The following AGBL4 variants were observed in gnomAD, a reference collection of about 807,000 sequenced individuals.
AGBL4 encodes the protein AGBL carboxypeptidase 4.
Under a neutral mutation model 66.4 loss-of-function variants are expected in AGBL4, and 58 were observed. The observed-to-expected ratio is 0.87, with a 90% CI of 0.71 to 1.09. The LOEUF (loss-of-function observed/expected upper bound fraction) is 1.09, where lower values mean the gene tolerates loss of function less well. AGBL4 is among the 50% of genes least tolerant of loss of function. AGBL4 has a pLI of 0.00. For missense variants in AGBL4, 579 were observed against 631.0 expected, an observed-to-expected ratio of 0.92 and a Z score of 0.88; for synonymous variants, 234 against 222.9, an observed-to-expected ratio of 1.05 and a Z score of -0.44.
At chr1:48,654,521 T>C (rs573026249) in intron 7 of AGBL4, among the ~76,000 whole-genome samples, 14 of 152,304 alleles carry the variant, frequency 9.2e-5, no homozygotes, top group Admixed American at 2.0e-4. Context: ...CAGAAAGTGA[T>C]AGGAGAATGC....
intron 4 of AGBL4, among the ~76,000 whole-genome samples, chr1:49,129,369 T>C (rs1233544851): frequency 6.6e-6 from 1 of 152,008 alleles, no homozygotes; most frequent in Non-Finnish European, 1.5e-5. Context: ...ATGTGCAGGT[T>C]AGTTACATAT....
At chr1:49,325,082 G>T (rs983785082) in intron 3 of AGBL4, among the ~76,000 whole-genome samples, 10 of 152,118 alleles carry the variant, frequency 6.6e-5, no homozygotes, top group African/African-American at 2.2e-4. Flanking sequence ...GAGTGCAGTG[G>T]CACAATCTTG....
At chr1:49,742,318 A>G (rs1280203284) in intron 2 of AGBL4, among the ~76,000 whole-genome samples, 2 of 152,044 alleles carry the variant, frequency 1.3e-5, no homozygotes, top group African/African-American at 4.8e-5. Flanking sequence ...CAAAGAGAAT[A>G]AAATACCTAG....
At chr1:49,170,880 A>G (rs1031636824) in intron 4 of AGBL4, among the ~76,000 whole-genome samples, 1 of 152,148 alleles carries the variant, frequency 6.6e-6, no homozygotes, top group African/African-American at 2.4e-5. Context: ...AATTTGGTCT[A>G]GACTCAGCTG....
chr1:49,320,681 G>A (rs1645116974), intron 3 of AGBL4, among the ~76,000 whole-genome samples: 1 of 152,158 alleles, frequency 6.6e-6, no homozygotes, highest in Non-Finnish European at 1.5e-5. Context: ...ACCCCAAACA[G>A]GAGGTGAGTG....
intron 1 of AGBL4, among the ~76,000 whole-genome samples, chr1:49,915,772 C>A (rs551005503): frequency 7.9e-5 from 12 of 152,130 alleles, no homozygotes; most frequent in Admixed American, 6.5e-5. Context: ...GATCTGAGAA[C>A]GGACAGGCTG....
intron 5 of AGBL4, among the ~76,000 whole-genome samples, chr1:49,011,785 A>G (rs753366941): frequency 6.6e-6 from 1 of 151,486 alleles, no homozygotes; most frequent in Non-Finnish European, 1.5e-5. Context: ...GCAAGAACCA[A>G]AAACCAAACA....
At chr1:49,121,589 G>T (rs1164446463) in intron 4 of AGBL4, among the ~76,000 whole-genome samples, 1 of 152,160 alleles carries the variant, frequency 6.6e-6, no homozygotes, top group Non-Finnish European at 1.5e-5. Context: ...CTTTGTCTCA[G>T]AGAGGCAGCA....
At chr1:49,487,791 G>C (rs1557986766) in intron 3 of AGBL4, among the ~76,000 whole-genome samples, 1 of 151,986 alleles carries the variant, frequency 6.6e-6, no homozygotes, top group East Asian at 1.9e-4. Context: ...AAAAGTAACT[G>C]TTTCAGTGGC....
intron 6 of AGBL4, among the ~76,000 whole-genome samples, chr1:48,774,668 A>G (rs1051116272): frequency 3.9e-5 from 6 of 152,230 alleles, no homozygotes; most frequent in Non-Finnish European, 8.8e-5. Flanking sequence ...TTCAAAATTC[A>G]TGGTTCTCAA....
chr1:49,536,178 C>A (rs1164761375), intron 3 of AGBL4, among the ~76,000 whole-genome samples: 1 of 152,058 alleles, frequency 6.6e-6, no homozygotes, highest in Non-Finnish European at 1.5e-5. Context: ...AAACAAAATA[C>A]CAACAGTAAA....
At chr1:49,879,337 C>A (rs1375058542) in intron 1 of AGBL4, among the ~76,000 whole-genome samples, 3 of 150,888 alleles carry the variant, frequency 2.0e-5, no homozygotes, top group Non-Finnish European at 3.0e-5. Flanking sequence ...CCTTCAGGAG[C>A]TCTTTTAGGG....
intron 3 of AGBL4, among the ~76,000 whole-genome samples, chr1:49,405,644 T>C (rs2148618498): frequency 6.6e-6 from 1 of 152,292 alleles, no homozygotes; most frequent in East Asian, 1.9e-4. Context: ...TTTTCTTCCC[T>C]TTGATGAGGT....
At chr1:49,196,284 A>G (rs981421454) in intron 4 of AGBL4, among the ~76,000 whole-genome samples, 1 of 152,108 alleles carries the variant, frequency 6.6e-6, no homozygotes, top group African/African-American at 2.4e-5. Flanking sequence ...CTTCAAGTTG[A>G]GAGTCTTTCT....
intron 6 of AGBL4, among the ~76,000 whole-genome samples, chr1:48,816,231 G>T (rs1023022272): frequency 6.6e-6 from 1 of 152,138 alleles, no homozygotes; most frequent in African/African-American, 2.4e-5. Context: ...GCAGTGGTTA[G>T]CTGGGGAGAA....
intron 3 of AGBL4, among the ~76,000 whole-genome samples, chr1:49,314,091 G>C (rs1570413387): frequency 6.6e-6 from 1 of 152,120 alleles, no homozygotes; most frequent in Non-Finnish European, 1.5e-5. Flanking sequence ...CATATGGCTA[G>C]CCAGTTTTCC....
At chr1:48,819,154 G>A (rs1183105152) in intron 6 of AGBL4, among the ~76,000 whole-genome samples, 5 of 152,128 alleles carry the variant, frequency 3.3e-5, no homozygotes, top group African/African-American at 9.7e-5. Context: ...TAGAGATGAC[G>A]ATATTGAAAA....
chr1:49,245,737 C>T, intron 4 of AGBL4, 33 bp downstream of exon 4: 1 of 1,498,438 alleles, frequency 6.7e-7, no homozygotes, highest in African/African-American at 1.4e-5. Flanking sequence ...AATTTTCTAA[C>T]CAGGAAGGGG....
intron 11 of AGBL4, among the ~76,000 whole-genome samples, chr1:48,548,473 A>G (rs747589892): frequency 6.6e-5 from 10 of 152,218 alleles, no homozygotes; most frequent in Non-Finnish European, 1.3e-4. Flanking sequence ...TCATGGGGTC[A>G]GGAACACCTT....
Sources: allele counts gnomAD v4.1 joint callset (sites outside exome capture counted in the v4.1 genomes callset), GRCh38; gene constraint gnomAD v4.1.1; transcripts MANE v1.5; gene names NCBI Gene and HGNC (gene_info 2026-07-23, HGNC 2026-07-21).